PCOLCE2: variants seen among roughly 807,000 people sequenced by gnomAD.
PCOLCE2 encodes procollagen C-endopeptidase enhancer 2.
Under a neutral mutation model 47.0 loss-of-function variants are expected in PCOLCE2, and 42 were observed. The ratio of observed to expected loss-of-function variants is 0.89; its 90% confidence interval spans 0.70 to 1.16. PCOLCE2 has a LOEUF of 1.16. Among genes scored for constraint, PCOLCE2 ranks in the 50% most tolerant of loss-of-function variants. The pLI is 0.00. For synonymous variants in PCOLCE2, 169 were observed against 191.7 expected (o/e 0.88, Z 0.98); for missense variants, 500 against 526.1 (o/e 0.95, Z 0.49).
intron 2 of PCOLCE2, among the ~76,000 whole-genome samples, chr3:142,855,647 TG>T (rs1386969211): frequency 6.6e-6 from 1 of 152,176 alleles, no homozygotes; most frequent in Non-Finnish European, 1.5e-5. Flanking sequence ...GCAGTTAAGT[TG>T]GGGCCATGAG....
chr3:142,829,766 T>A lies in PCOLCE2; in HGVS notation c.791A>T (p.His264Leu). 6.2e-7 allele frequency: 1 copy of A among 1,610,342 alleles called. No individual in the cohort carries two copies. Among genetic ancestry groups the A allele is most frequent in the South Asian group, 1.1e-5 (1 of 90,692 alleles). The change falls in exon 6 of 9, where the codon CAC becomes CTC. Residue 264 changes from histidine to leucine, a missense_variant. Transcript: ENST00000295992. ...LSLTADGFIG[H>L]YIFRPKKLPT... Reference sequence around the variant, plus strand: ...CAGTTTTTTTGGCCTGAATATGTAGTGACCAATAAACCCATCTGCAGTTAA... The same window carrying A: ...CAGTTTTTTTGGCCTGAATATGTAGAGACCAATAAACCCATCTGCAGTTAA...
In PCOLCE2 at chr3:142,823,665, T is replaced by C. The variant is rs753711516; in HGVS notation, c.866-50A>G. On this transcript the variant is annotated intron_variant, in intron 6 of 8. Coordinates refer to ENST00000295992, the MANE Select transcript of PCOLCE2 (RefSeq NM_013363.4). ...TCACGAAAAATGAATTCAAGCATAA[T>C]TGGTCTTTAGTTCTGAATCTACCCA... The C allele has an allele frequency of 2.6e-5, 28 of 1,083,764 alleles. No homozygotes were observed. In the African/African-American group the frequency reaches 4.0e-4, roughly 16 times the overall value. The allele number at this position is 1,083,764 out of a possible 1,614,324, so 67.1% of individuals were successfully genotyped here.
chr3:142,885,741 C>A (rs530390377), intron 2 of PCOLCE2, among the ~76,000 whole-genome samples: 15 of 152,338 alleles, frequency 9.8e-5, no homozygotes, highest in Admixed American at 3.3e-4. Flanking sequence ...TCTTAACTCC[C>A]TACAGTTCAT....
At chr3:142,865,676 T>C (rs1370647434) in intron 2 of PCOLCE2, among the ~76,000 whole-genome samples, 1 of 151,830 alleles carries the variant, frequency 6.6e-6, no homozygotes, top group Non-Finnish European at 1.5e-5. Flanking sequence ...TATAAAAGAG[T>C]AAAAATTAAA....
chr3:142,827,284 C>T, intron 6 of PCOLCE2: 2 of 1,307,432 alleles, frequency 1.5e-6, no homozygotes, highest in East Asian at 2.3e-5. Flanking sequence ...CTCGTGGCCA[C>T]CAGTTCCTCT....
At chr3:142,839,104 T>C (rs1937236990) in intron 4 of PCOLCE2, among the ~76,000 whole-genome samples, 198 bp from the exon 5 acceptor site, 1 of 152,154 alleles carries the variant, frequency 6.6e-6, no homozygotes, top group African/African-American at 2.4e-5. Flanking sequence ...TTAATTGTAA[T>C]CTTTCCAAAA....
rs142845988 is a variant in PCOLCE2 at position 142,875,669 on chromosome 3, C to G, written c.192+12000G>C. On this transcript the variant is annotated intron_variant, in intron 2 of 8. Coordinates refer to ENST00000295992, the MANE Select transcript of PCOLCE2 (RefSeq NM_013363.4). ...CCTTCTTGATGTTCTTAAGATTCCC[C>G]ACAACAAAGGTTGCAGAGAGTTGTG... Among the ~76,000 whole-genome samples, 623 of 152,190 alleles carry G rather than the reference C, an allele frequency of 4.1e-3. 1 individual carries two copies. The highest frequency in any genetic ancestry group is 0.014 in the African/African-American group (579 of 41,520).
At chr3:142,880,565 T>C (rs1933593110) in intron 2 of PCOLCE2, among the ~76,000 whole-genome samples, 1 of 152,242 alleles carries the variant, frequency 6.6e-6, no homozygotes, top group Admixed American at 6.5e-5. Context: ...CTGCTGACTT[T>C]CTTCTCATGA....
intron 2 of PCOLCE2, among the ~76,000 whole-genome samples, chr3:142,872,857 A>C (rs1933420970): frequency 6.6e-6 from 1 of 152,232 alleles, no homozygotes; most frequent in African/African-American, 2.4e-5. Context: ...TTTACTATTA[A>C]TTCATCCTCA....
intron 2 of PCOLCE2, among the ~76,000 whole-genome samples, chr3:142,862,776 T>C (rs918083943): frequency 1.3e-5 from 2 of 152,186 alleles, no homozygotes; most frequent in Non-Finnish European, 2.9e-5. Flanking sequence ...ACAGCTATAC[T>C]ACCATCTGTA....
chr3:142,842,163 T>C lies in PCOLCE2; in HGVS notation c.573+761A>G, dbSNP rs529543535. ...GAAGAGATAATGTGGCTTGCTTTTG[T>C]TGGCTTTGTTGAGGCAAAGCATCCA... is the stretch of plus-strand genomic sequence containing the variant. On this transcript the variant is annotated intron_variant, in intron 4 of 8. Transcript: ENST00000295992. This position sits in a 1 kb window ranked among gnomAD's most constrained non-coding sequence, Gnocchi z 4.1. 3.3e-5 allele frequency among the ~76,000 whole-genome samples: 5 copies of C among 152,336 alleles called. No individual in the cohort carries two copies. In the South Asian group the frequency reaches 1.0e-3, roughly 32 times the overall value.
intron 2 of PCOLCE2, among the ~76,000 whole-genome samples, chr3:142,876,904 A>C (rs1019985328): frequency 4.6e-5 from 7 of 152,164 alleles, no homozygotes; most frequent in Non-Finnish European, 8.8e-5. Flanking sequence ...GAATACCAGG[A>C]GGTGTGGTGA....
intron 4 of PCOLCE2, among the ~76,000 whole-genome samples, chr3:142,840,082 G>A (rs891373781): frequency 6.6e-6 from 1 of 152,170 alleles, no homozygotes; most frequent in African/African-American, 2.4e-5. Flanking sequence ...AAATTTTCAG[G>A]ACCAGTTATT....
chr3:142,829,603 G>T (rs1181404483), intron 6 of PCOLCE2, 89 bp downstream of exon 6: 1 of 955,004 alleles, frequency 1.0e-6, no homozygotes, highest in Non-Finnish European at 1.5e-6. Context: ...TTAATTTCAA[G>T]TATCTTCCTC....
At chr3:142,857,130 C>T (rs945274695) in intron 2 of PCOLCE2, among the ~76,000 whole-genome samples, 21 of 152,186 alleles carry the variant, frequency 1.4e-4, no homozygotes, top group African/African-American at 4.6e-4. Flanking sequence ...TCCTACTGAA[C>T]CAGCTGGTGC....
chr3:142,860,382 G>T (rs1481960360), intron 2 of PCOLCE2, among the ~76,000 whole-genome samples: 1 of 151,824 alleles, frequency 6.6e-6, no homozygotes, highest in Non-Finnish European at 1.5e-5. Context: ...TCACTGCTGG[G>T]CTAATATTTT....
intron 2 of PCOLCE2, among the ~76,000 whole-genome samples, chr3:142,868,859 G>A (rs1030060678): frequency 1.3e-5 from 2 of 152,168 alleles, no homozygotes; most frequent in African/African-American, 4.8e-5. Flanking sequence ...TTGCCTTGCT[G>A]AGAATTAAAT....
chr3:142,866,216 C>A (rs1276527351), intron 2 of PCOLCE2, among the ~76,000 whole-genome samples: 1 of 152,184 alleles, frequency 6.6e-6, no homozygotes, highest in Non-Finnish European at 1.5e-5. Flanking sequence ...GTCCTCCAAT[C>A]TGTTGAGGGC....
Position 142,843,063 on chromosome 3 carries a change from C to T in PCOLCE2, c.449-15G>A. 1 of 1,608,132 alleles carries T rather than the reference C, an allele frequency of 6.2e-7. No homozygotes were observed. Among genetic ancestry groups the T allele is most frequent in the Non-Finnish European group, 8.5e-7 (1 of 1,177,790 alleles). On this transcript the variant is annotated splice_polypyrimidine_tract_variant and intron_variant, in intron 3 of 8. Coordinates refer to ENST00000295992, the MANE Select transcript of PCOLCE2 (RefSeq NM_013363.4). ...ATACTGATCCCCTTCAAGTATTAAA[C>T]AAGGAAAAAAGCCCACAAGTTTATG...
Sources: gnomAD v4.1 joint callset for allele counts (sites outside exome capture counted in the v4.1 genomes callset) on GRCh38, gnomAD v4.1.1 for gene constraint, Gnocchi (gnomAD v3.1) non-coding constraint, MANE v1.5 for transcripts, NCBI Gene and HGNC (gene_info 2026-07-23, HGNC 2026-07-21) for gene names.